SEMA6B: variants seen among roughly 807,000 people sequenced by gnomAD.
SEMA6B encodes the protein semaphorin-6B.
In SEMA6B, 47 loss-of-function variants were observed where a neutral mutation model predicts 78.6. The ratio of observed to expected loss-of-function variants is 0.60; its 90% confidence interval spans 0.47 to 0.76. The LOEUF (loss-of-function observed/expected upper bound fraction) is 0.76, where lower values mean the gene tolerates loss of function less well. SEMA6B is among the 30% of genes least tolerant of loss of function. The pLI is 0.00. For missense variants in SEMA6B, 1,213 were observed against 1,269.9 expected (o/e 0.96, Z 0.68); for synonymous variants, 632 against 592.2 (o/e 1.07, Z -0.98).
At chr19:4,556,679 G>C (rs776957207) in intron 5 of SEMA6B, among the ~76,000 whole-genome samples, 3 of 151,990 alleles carry the variant, frequency 2.0e-5, no homozygotes, top group Non-Finnish European at 4.4e-5. Flanking sequence ...CAGAAGTGTG[G>C]GCATAGCCAG....
Position 4,552,544 on chromosome 19 carries a change from C to T in SEMA6B, c.867G>A (p.Arg289=). Residue 289 remains arginine (R), a synonymous_variant, in exon 10 of 17, where the codon CGG becomes CGA. Coordinates refer to ENST00000586582, the MANE Select transcript of SEMA6B (RefSeq NM_032108.4). The surrounding 1 kb of genome is among the most constrained non-coding windows in gnomAD (Gnocchi z 7.4). ...AGTCTCCGGGTACAGAGCAGTTGAG[C>T]CGCGCCTTCAGGAAGGACGTCCACT... The part of the protein sequence containing the change: ...EKQWTSFLKA[R]LNCSVPGDSH... 6.8e-6 allele frequency: 11 copies of T among 1,612,894 alleles called. No individual in the cohort carries two copies. Among genetic ancestry groups the T allele is most frequent in the Non-Finnish European group, 9.3e-6 (11 of 1,179,968 alleles).
In SEMA6B at chr19:4,552,849, C is replaced by T. The variant is rs1158592342; in HGVS notation, c.772-210G>A. Among the ~76,000 whole-genome samples the T allele has an allele frequency of 6.6e-6, 1 of 152,228 alleles. No homozygotes were observed. The highest frequency in any genetic ancestry group is 2.4e-5 in the African/African-American group (1 of 41,452). On this transcript the variant is annotated intron_variant, in intron 9 of 16. Coordinates refer to ENST00000586582, the MANE Select transcript of SEMA6B (RefSeq NM_032108.4). The surrounding 1 kb of genome is among the most constrained non-coding windows in gnomAD (Gnocchi z 7.4). ...TCAATGATGATAATAGCAACAGTGACAACCATAATCATCACTGTTTCCACG... is the reference window on the plus strand; with the variant it reads ...TCAATGATGATAATAGCAACAGTGATAACCATAATCATCACTGTTTCCACG...
intron 12 of SEMA6B, 146 bp from the exon 13 acceptor site, chr19:4,548,591 G>A (rs1015192863): frequency 1.4e-5 from 11 of 761,644 alleles, no homozygotes; most frequent in South Asian, 8.7e-5. Context: ...CATGGATGCC[G>A]GGGACATGCG....
rs1253309888 is a variant in SEMA6B, at chr19:4,542,777, A to G, written c.*824T>C. 4 of 697,738 alleles carry G rather than the reference A, an allele frequency of 5.7e-6. No homozygotes were observed. The highest frequency in any genetic ancestry group is 1.0e-5 in the Non-Finnish European group (4 of 383,396). 43.2% of individuals were successfully genotyped at this position (697,738 alleles called of 1,614,324 possible). A position where few individuals can be genotyped will look rare whatever the true frequency, so the allele number is the denominator to read the frequency against. On this transcript the variant is annotated 3_prime_UTR_variant, in exon 17 of 17. Transcript: ENST00000586582. Reference sequence around the variant, plus strand: ...GGGGCCGTATTTACAGAGGGGCCCCACCCACCTTCGCCGCCCCCCAGGCCC... The same window carrying G: ...GGGGCCGTATTTACAGAGGGGCCCCGCCCACCTTCGCCGCCCCCCAGGCCC...
Position 4,555,934 on chromosome 19 carries a change from G to A in SEMA6B, c.471+54C>T. 2 of 1,417,586 alleles carry A rather than the reference G, an allele frequency of 1.4e-6. No individual in the cohort carries two copies. The highest frequency in any genetic ancestry group is 3.4e-5 in the Admixed American group (2 of 59,698). The allele number at this position is 1,417,586 out of a possible 1,614,324, so 87.8% of individuals were successfully genotyped here. A position where few individuals can be genotyped will look rare whatever the true frequency, so the allele number is the denominator to read the frequency against. On this transcript the variant is annotated intron_variant, in intron 6 of 16. Coordinates refer to ENST00000586582, the MANE Select transcript of SEMA6B (RefSeq NM_032108.4). This position sits in a 1 kb window ranked among gnomAD's most constrained non-coding sequence, Gnocchi z 6.1. ...GAAAAGCCATGGCCAGCGGAGGTCG[G>A]GCGAGCAGAGGCCTGGAGGTTGGAC...
intron 4 of SEMA6B, 25 bp from the exon 5 acceptor site, chr19:4,557,038 G>C (rs1207719004): frequency 1.9e-6 from 3 of 1,609,904 alleles, no homozygotes; most frequent in African/African-American, 1.3e-5. Flanking sequence ...AGCTGGTGAG[G>C]GGGTAACGGG....
chr19:4,548,819 C>T (rs900837693), intron 12 of SEMA6B, among the ~76,000 whole-genome samples: 1 of 152,154 alleles, frequency 6.6e-6, no homozygotes, highest in Non-Finnish European at 1.5e-5. Flanking sequence ...AGGCACACGC[C>T]ATCACGCCTG....
chr19:4,557,506 G>T (rs1977505093), intron 3 of SEMA6B, among the ~76,000 whole-genome samples: 1 of 152,162 alleles, frequency 6.6e-6, no homozygotes, highest in Non-Finnish European at 1.5e-5. Flanking sequence ...CGCCCACCAG[G>T]CTCTCTCCCC....
Position 4,550,512 on chromosome 19 carries a change from T to C in SEMA6B, c.1122-240A>G, listed in dbSNP as rs1302481219. 6.6e-6 allele frequency among the ~76,000 whole-genome samples: 1 copy of C among 152,078 alleles called. No individual in the cohort carries two copies. Among genetic ancestry groups the C allele is most frequent in the Non-Finnish European group, 1.5e-5 (1 of 68,000 alleles). On this transcript the variant is annotated intron_variant, in intron 11 of 16. Coordinates refer to ENST00000586582, the MANE Select transcript of SEMA6B (RefSeq NM_032108.4). This position sits in a 1 kb window ranked among gnomAD's most constrained non-coding sequence, Gnocchi z 6.6. ...CCGAGTGGCTGGGATTACAGGCACG[T>C]GCCATCACGCCCGGCTAATTTTTGT...
chr19:4,550,133 T>C lies in SEMA6B; in HGVS notation c.1261A>G (p.Thr421Ala), dbSNP rs1977283067. Reference protein sequence around the residue: ...SLGHAPWILRTLMRHQLTRVA... With the variant: ...SLGHAPWILRALMRHQLTRVA... ...CTCTCCAGGACCGACCTCATCAGGG[T>C]CCGCAGGATCCAGGGCGCATGGCCC... is the stretch of plus-strand genomic sequence containing the variant. Residue 421 changes from threonine (T) to alanine (A), a missense_variant, in exon 12 of 17, where the codon ACC (threonine) becomes GCC (alanine). Thr to Ala is a moderately conservative substitution (Grantham distance 58). Coordinates refer to ENST00000586582, the MANE Select transcript of SEMA6B (RefSeq NM_032108.4). The surrounding 1 kb of genome is among the most constrained non-coding windows in gnomAD (Gnocchi z 6.6). 4 of 1,613,636 alleles carry C rather than the reference T, an allele frequency of 2.5e-6. No individual in the cohort carries two copies. The highest frequency in any genetic ancestry group is 3.4e-6 in the Non-Finnish European group (4 of 1,179,966).
chr19:4,548,408 C>T lies in SEMA6B; in HGVS notation c.1309G>A (p.Gly437Ser), dbSNP rs1240424171. 4.3e-6 allele frequency: 7 copies of T among 1,613,088 alleles called. No individual in the cohort carries two copies. Among genetic ancestry groups the T allele is most frequent in the South Asian group, 1.1e-5 (1 of 91,080 alleles). The change falls in exon 13 of 17, where the codon GGC becomes AGC. Residue 437 changes from glycine to serine, a missense_variant. Transcript: ENST00000586582. ...LTRVAVDVGAGPWGNQTVVFL... is the reference protein window; with the variant it reads ...LTRVAVDVGASPWGNQTVVFL... The stretch of plus-strand genomic sequence containing the variant: ...ACAACGGTCTGGTTGCCCCAGGGGC[C>T]GGCTCCCACGTCCACAGCCACTCGA...
intron 4 of SEMA6B, 31 bp downstream of exon 4, chr19:4,557,132 C>G (rs777415693): frequency 6.2e-7 from 1 of 1,600,894 alleles, no homozygotes; most frequent in African/African-American, 1.3e-5. Context: ...CTGGCCCTAC[C>G]CCTCCACTCC....
intron 3 of SEMA6B, 23 bp from the exon 4 acceptor site, chr19:4,557,246 G>A (rs750763104): frequency 4.4e-5 from 67 of 1,539,474 alleles, no homozygotes; most frequent in Non-Finnish European, 5.4e-5. Context: ...CATAGTTAGT[G>A]AGAACTGGGG....
Position 4,542,790 on chromosome 19 carries a change from G to A in SEMA6B, c.*811C>T, listed in dbSNP as rs992558270. 1.2e-5 allele frequency: 8 copies of A among 687,180 alleles called. No individual in the cohort carries two copies. The highest frequency in any genetic ancestry group is 3.5e-5 in the African/African-American group (2 of 56,490). The allele number at this position is 687,180 out of a possible 1,614,324, so 42.6% of individuals were successfully genotyped here. A position where few individuals can be genotyped will look rare whatever the true frequency, so the allele number is the denominator to read the frequency against. On this transcript the variant is annotated 3_prime_UTR_variant, in exon 17 of 17. Transcript: ENST00000586582. The stretch of plus-strand genomic sequence containing the variant: ...CAGAGGGGCCCCACCCACCTTCGCC[G>A]CCCCCCAGGCCCCCAAGCCCTTTAG...
intron 16 of SEMA6B, among the ~76,000 whole-genome samples, chr19:4,545,495 G>A (rs544313290): frequency 3.3e-5 from 5 of 152,166 alleles, no homozygotes; most frequent in South Asian, 4.1e-4. Context: ...GCACTGCCAC[G>A]TCTGGATTAT....
chr19:4,550,669 T>C lies in SEMA6B; in HGVS notation c.1121+130A>G. The C allele has an allele frequency of 4.9e-6, 6 of 1,216,010 alleles. No homozygotes were observed. In the South Asian group the frequency reaches 9.2e-5, roughly 19 times the overall value. The allele number at this position is 1,216,010 out of a possible 1,614,324, so 75.3% of individuals were successfully genotyped here. The stretch of plus-strand genomic sequence containing the variant: ...GTGAGCCACCACACCAGGCCTCAGT[T>C]TTTCCCAACTGTATAACGGGTACAG... On this transcript the variant is annotated intron_variant, in intron 11 of 16. Transcript: ENST00000586582. The surrounding 1 kb of genome is among the most constrained non-coding windows in gnomAD (Gnocchi z 6.6).
At chr19:4,556,823 C>A in intron 5 of SEMA6B, 128 bp downstream of exon 5, 1 of 707,106 alleles carries the variant, frequency 1.4e-6, no homozygotes, top group Non-Finnish European at 2.1e-6. Context: ...GGGGCCAGGG[C>A]TGATTGGGGG....
At position 4,552,019 on chromosome 19, in the gene SEMA6B, C is replaced by T. The variant is rs1055031209; in HGVS notation, c.989+403G>A. 6.6e-6 allele frequency among the ~76,000 whole-genome samples: 1 copy of T among 152,132 alleles called. No individual in the cohort carries two copies. The highest frequency in any genetic ancestry group is 6.5e-5 in the Admixed American group (1 of 15,282). On this transcript the variant is annotated intron_variant, in intron 10 of 16. Coordinates refer to ENST00000586582, the MANE Select transcript of SEMA6B (RefSeq NM_032108.4). The surrounding 1 kb of genome is among the most constrained non-coding windows in gnomAD (Gnocchi z 7.4). ...CTGCTTTCCTGTTGTGCATTCTCCC[C>T]TAGTTCCCTTCCCACACAGACTCTC...
intron 3 of SEMA6B, 89 bp downstream of exon 3, chr19:4,557,937 T>C (rs1977516532): frequency 1.7e-6 from 2 of 1,159,168 alleles, no homozygotes; most frequent in African/African-American, 1.6e-5. Context: ...CACGACCTGC[T>C]CCATCCCCTC....
Sources: allele counts gnomAD v4.1 joint callset (sites outside exome capture counted in the v4.1 genomes callset), GRCh38; gene constraint gnomAD v4.1.1; non-coding constraint Gnocchi (gnomAD v3.1); transcripts MANE v1.5; gene names NCBI Gene and HGNC (gene_info 2026-07-23, HGNC 2026-07-21).